The following ZBTB20 variants were observed in gnomAD, a reference collection of about 807,000 sequenced individuals.
ZBTB20 encodes zinc finger and BTB domain containing 20.
ZBTB20 carries 9 observed loss-of-function variants against 56.9 expected under a neutral mutation model. The ratio of observed to expected loss-of-function variants is 0.16; its 90% CI spans 0.10 to 0.28. ZBTB20 has a LOEUF of 0.28. Ranked by LOEUF, ZBTB20 falls within the 10% of genes least tolerant of loss-of-function variation. The pLI, the probability that ZBTB20 is intolerant of heterozygous loss-of-function variation, is 1.00. For missense variants in ZBTB20, 655 were observed against 1,003.0 expected, an observed-to-expected ratio of 0.65 and a Z score of 4.69; for synonymous variants, 417 against 420.7, an observed-to-expected ratio of 0.99 and a Z score of 0.11.
At chr3:114,395,323 A>G (rs996332169) in intron 7 of ZBTB20, among the ~76,000 whole-genome samples, 4 of 152,180 alleles carry the variant, frequency 2.6e-5, no homozygotes, top group African/African-American at 9.6e-5. Flanking sequence ...AGAAAAGAGA[A>G]AGCAAAATCA....
chr3:114,945,030 G>T (rs2076838789), intron 3 of ZBTB20, among the ~76,000 whole-genome samples: 2 of 145,486 alleles, frequency 1.4e-5, no homozygotes, highest in Admixed American at 6.7e-5. Flanking sequence ...ATGCTAATTA[G>T]CTTGATTTAT....
chr3:115,129,999 C>A (rs530203299), intron 1 of ZBTB20, among the ~76,000 whole-genome samples: 16 of 152,176 alleles, frequency 1.1e-4, no homozygotes, highest in East Asian at 9.7e-4. Context: ...TATAAATGTC[C>A]ATTAAGTGTA....
chr3:114,850,940 T>A (rs954172034), intron 4 of ZBTB20, among the ~76,000 whole-genome samples: 6 of 152,054 alleles, frequency 3.9e-5, no homozygotes, highest in African/African-American at 1.4e-4. Flanking sequence ...TTAAAAAAAA[T>A]AAAGCCACAA....
intron 7 of ZBTB20, among the ~76,000 whole-genome samples, chr3:114,455,659 A>C (rs1177070832): frequency 6.6e-6 from 1 of 152,146 alleles, no homozygotes; most frequent in Non-Finnish European, 1.5e-5. Context: ...AGATCAGCAC[A>C]GACAAAGTCA....
intron 2 of ZBTB20, among the ~76,000 whole-genome samples, chr3:114,989,296 A>G (rs1026462921): frequency 3.9e-5 from 6 of 152,168 alleles, no homozygotes; most frequent in Non-Finnish European, 8.8e-5. Flanking sequence ...TAAGGAAGGG[A>G]TCCAGTTTCA....
At position 114,415,998 on chromosome 3, in the gene ZBTB20, TA is replaced by T. The variant is rs563493131; in HGVS notation, c.-254-26894del. Among the ~76,000 whole-genome samples the T allele has an allele frequency of 1.9e-3, 292 of 152,208 alleles. 4 individuals carry two copies. The highest frequency in any genetic ancestry group is 0.013 in the Admixed American group (206 of 15,270). ...TCAGTTGGGATATGAAAATTACAGATATTTTTTTCCTCTTCACTTTTCACAT... is the reference window on the plus strand; with the variant it reads ...TCAGTTGGGATATGAAAATTACAGATTTTTTTTCCTCTTCACTTTTCACAT... On this transcript the variant is annotated intron_variant, in intron 7 of 11. Coordinates refer to ENST00000675478, the MANE Select transcript of ZBTB20 (RefSeq NM_001348800.3).
At chr3:114,346,424 C>A (rs1459226098) in intron 11 of ZBTB20, among the ~76,000 whole-genome samples, 1 of 151,934 alleles carries the variant, frequency 6.6e-6, no homozygotes, top group Non-Finnish European at 1.5e-5. Flanking sequence ...CAGAAAAAAT[C>A]ATTTTTATTT....
intron 10 of ZBTB20, among the ~76,000 whole-genome samples, chr3:114,355,196 C>T (rs921176924): frequency 4.6e-5 from 7 of 151,890 alleles, no homozygotes; most frequent in African/African-American, 1.7e-4. Context: ...TGAGAAAAAT[C>T]CAAACTGTTT....
chr3:114,360,364 G>A (rs1303007292), intron 10 of ZBTB20, among the ~76,000 whole-genome samples: 1 of 134,288 alleles, frequency 7.4e-6, no homozygotes, highest in Non-Finnish European at 1.6e-5. Flanking sequence ...TTTTTTTTGA[G>A]ACGGAGTCTT....
chr3:114,955,029 T>C (rs1486218373), intron 3 of ZBTB20, among the ~76,000 whole-genome samples: 2 of 152,136 alleles, frequency 1.3e-5, no homozygotes, highest in African/African-American at 4.8e-5. Context: ...TTCTGTGTCA[T>C]CCCATGCAAC....
chr3:114,512,421 C>T (rs1577201258), intron 6 of ZBTB20, among the ~76,000 whole-genome samples: 1 of 152,108 alleles, frequency 6.6e-6, no homozygotes, highest in Non-Finnish European at 1.5e-5. Context: ...AAGGACCTTC[C>T]ACTCTAATGT....
chr3:114,830,629 G>T (rs759259963), intron 4 of ZBTB20, among the ~76,000 whole-genome samples: 4 of 151,922 alleles, frequency 2.6e-5, no homozygotes, highest in African/African-American at 4.8e-5. Context: ...TAGGAGATTA[G>T]TACAATTATC....
At chr3:114,806,155 T>G (rs1238898048) in intron 4 of ZBTB20, among the ~76,000 whole-genome samples, 3 of 152,012 alleles carry the variant, frequency 2.0e-5, no homozygotes, top group Admixed American at 2.0e-4. Context: ...TTATTTTAAC[T>G]TTTAAGAAAC....
intron 10 of ZBTB20, among the ~76,000 whole-genome samples, chr3:114,358,481 T>G (rs1456083114): frequency 6.6e-6 from 1 of 152,210 alleles, no homozygotes; most frequent in Non-Finnish European, 1.5e-5. Flanking sequence ...ACAGTACTAG[T>G]GGGATTTTAC....
At chr3:114,666,739 G>C (rs1276826120) in intron 6 of ZBTB20, among the ~76,000 whole-genome samples, 1 of 151,958 alleles carries the variant, frequency 6.6e-6, no homozygotes, top group Admixed American at 6.6e-5. Context: ...AGAGGTTTTA[G>C]AGTAACTAGA....
chr3:114,813,073 G>A (rs1196206786), intron 4 of ZBTB20, among the ~76,000 whole-genome samples: 2 of 152,222 alleles, frequency 1.3e-5, no homozygotes, highest in African/African-American at 2.4e-5. Context: ...AGCCGGCTCC[G>A]GCCTTGGCCA....
In ZBTB20 at chr3:115,025,483, C is replaced by T. The variant is rs1474622360; in HGVS notation, c.-507+45736G>A. On this transcript the variant is annotated intron_variant, in intron 2 of 11. Coordinates refer to ENST00000675478, the MANE Select transcript of ZBTB20 (RefSeq NM_001348800.3). ...ATTCTTTGATATTATTATGAAGATTCACATGAAATAGCAAGGAATGGTTTT... is the reference window on the plus strand; with the variant it reads ...ATTCTTTGATATTATTATGAAGATTTACATGAAATAGCAAGGAATGGTTTT... Among the ~76,000 whole-genome samples, 6 of 150,756 alleles carry T rather than the reference C, an allele frequency of 4.0e-5. 1 individual carries two copies. The highest frequency in any genetic ancestry group is 2.7e-4 in the Admixed American group (4 of 15,030).
chr3:114,811,509 A>AT (rs1345267119), intron 4 of ZBTB20, among the ~76,000 whole-genome samples: 9 of 152,138 alleles, frequency 5.9e-5, no homozygotes, highest in African/African-American at 2.2e-4. Flanking sequence ...ATCTAAACTC[A>AT]TTTTCCTTCA....
chr3:114,481,018 T>C (rs1361712483), intron 7 of ZBTB20, among the ~76,000 whole-genome samples: 2 of 152,052 alleles, frequency 1.3e-5, no homozygotes, highest in Non-Finnish European at 2.9e-5. Context: ...TTTCTCTGTT[T>C]TAAAAAAATA....
Sources: allele counts gnomAD v4.1 joint callset (sites outside exome capture counted in the v4.1 genomes callset), GRCh38; gene constraint gnomAD v4.1.1; transcripts MANE v1.5; gene names NCBI Gene and HGNC (gene_info 2026-07-23, HGNC 2026-07-21).